The following MACROD2 variants were observed in gnomAD, a reference collection of about 807,000 sequenced individuals.
The protein encoded by MACROD2 is mono-ADP ribosylhydrolase 2.
Under a neutral mutation model 70.4 loss-of-function variants are expected in MACROD2, and 36 were observed. The observed-to-expected ratio is 0.51, with a 90% CI of 0.39 to 0.68. The LOEUF is 0.68. MACROD2 is among the 30% of genes least tolerant of loss of function. The pLI is 0.00. For missense variants in MACROD2, 496 were observed against 538.4 expected, an observed-to-expected ratio of 0.92 and a Z score of 0.78; for synonymous variants, 172 against 178.8, an observed-to-expected ratio of 0.96 and a Z score of 0.30.
chr20:15,214,122 C>A (rs1159259292), intron 5 of MACROD2, among the ~76,000 whole-genome samples: 1 of 152,088 alleles, frequency 6.6e-6, no homozygotes. Flanking sequence ...AGCTCTTTTT[C>A]CTATCTGAAG....
chr20:15,707,088 A>C (rs898111076), intron 8 of MACROD2, among the ~76,000 whole-genome samples: 1 of 152,222 alleles, frequency 6.6e-6, no homozygotes, highest in Non-Finnish European at 1.5e-5. Flanking sequence ...TAAGTTACAC[A>C]GTAACATATT....
chr20:14,170,665 T>C (rs1239462654), intron 3 of MACROD2, among the ~76,000 whole-genome samples: 3 of 152,224 alleles, frequency 2.0e-5, no homozygotes, highest in Non-Finnish European at 2.9e-5. Context: ...TTGCATATGT[T>C]AAACCATCCC....
chr20:14,941,943 C>T (rs564200485), intron 5 of MACROD2, among the ~76,000 whole-genome samples: 127 of 144,418 alleles, frequency 8.8e-4, no homozygotes, highest in African/African-American at 3.3e-3. Context: ...GCCACCATGC[C>T]CGGCTATTTT....
chr20:14,074,155 C>A (rs1206191624), intron 2 of MACROD2, among the ~76,000 whole-genome samples: 2 of 152,152 alleles, frequency 1.3e-5, no homozygotes, highest in Non-Finnish European at 2.9e-5. Context: ...TCCATTGACC[C>A]CATCCTGCCC....
chr20:14,577,907 A>G (rs1386870977), intron 4 of MACROD2, among the ~76,000 whole-genome samples: 1 of 152,124 alleles, frequency 6.6e-6, no homozygotes, highest in Non-Finnish European at 1.5e-5. Context: ...AAAGAAAAGT[A>G]GAAGAAATGG....
chr20:15,584,401 A>G (rs1225200362), intron 8 of MACROD2, among the ~76,000 whole-genome samples: 1 of 151,152 alleles, frequency 6.6e-6, no homozygotes, highest in African/African-American at 2.5e-5. Context: ...AAAATGGAAT[A>G]GCTTTTAGAA....
chr20:14,566,115 G>A (rs952506211), intron 4 of MACROD2, among the ~76,000 whole-genome samples: 1 of 150,224 alleles, frequency 6.7e-6, no homozygotes, highest in Non-Finnish European at 1.5e-5. Context: ...TTTGTAACTC[G>A]TGTGATAAAT....
chr20:14,973,764 T>G (rs941139507), intron 5 of MACROD2, among the ~76,000 whole-genome samples: 2 of 152,168 alleles, frequency 1.3e-5, no homozygotes, highest in East Asian at 3.9e-4. Context: ...AAGATAGGGC[T>G]AGGTACTCTT....
intron 4 of MACROD2, chr20:14,494,187 G>A (rs1430230723): frequency 1.3e-5 from 2 of 151,962 alleles, no homozygotes; most frequent in Non-Finnish European, 2.9e-5. Flanking sequence ...AGAGAAAAAA[G>A]TATACGATTA....
chr20:15,198,013 G>C (rs2145923738), intron 5 of MACROD2, among the ~76,000 whole-genome samples: 1 of 148,620 alleles, frequency 6.7e-6, no homozygotes, highest in Middle Eastern at 3.5e-3. Flanking sequence ...CCAGGCTGGA[G>C]TGCAATGGTT....
intron 15 of MACROD2, among the ~76,000 whole-genome samples, chr20:15,996,487 G>T (rs898095502): frequency 2.0e-5 from 3 of 151,960 alleles, no homozygotes; most frequent in Admixed American, 6.5e-5. Flanking sequence ...GCTTTTCTTT[G>T]TTGAGAGGTT....
chr20:15,910,985 A>G (rs2065228371), intron 10 of MACROD2, among the ~76,000 whole-genome samples: 2 of 152,282 alleles, frequency 1.3e-5, no homozygotes, highest in African/African-American at 4.8e-5. Context: ...CCTCTCTGGG[A>G]CAAAGATGAC....
At chr20:14,588,308 A>C (rs1456448502) in intron 4 of MACROD2, among the ~76,000 whole-genome samples, 2 of 152,222 alleles carry the variant, frequency 1.3e-5, no homozygotes, top group African/African-American at 4.8e-5. Context: ...CAAAAAGTTT[A>C]ACAATTGTGT....
chr20:14,222,571 T>A (rs557099449), intron 3 of MACROD2, among the ~76,000 whole-genome samples: 1 of 152,204 alleles, frequency 6.6e-6, no homozygotes, highest in South Asian at 2.1e-4. Context: ...AAAACCCTGA[T>A]TTCACCACTA....
intron 6 of MACROD2, among the ~76,000 whole-genome samples, chr20:15,248,175 A>G (rs1474747398): frequency 6.6e-6 from 1 of 152,186 alleles, no homozygotes; most frequent in East Asian, 1.9e-4. Context: ...AGGTCAGCGC[A>G]TCTCACACTG....
chr20:14,339,717 G>A (rs773546242), intron 3 of MACROD2, among the ~76,000 whole-genome samples: 3 of 152,094 alleles, frequency 2.0e-5, no homozygotes, highest in Non-Finnish European at 4.4e-5. Flanking sequence ...TTCATCACTT[G>A]ACAAATAAAG....
intron 4 of MACROD2, among the ~76,000 whole-genome samples, chr20:14,502,198 A>G (rs2084921994): frequency 6.6e-6 from 1 of 152,188 alleles, no homozygotes; most frequent in Admixed American, 6.5e-5. Flanking sequence ...TGTTTTTTTA[A>G]CTGTATCTGA....
At chr20:15,691,720 G>T (rs879652415) in intron 8 of MACROD2, among the ~76,000 whole-genome samples, 4 of 152,186 alleles carry the variant, frequency 2.6e-5, no homozygotes, top group Non-Finnish European at 4.4e-5. Flanking sequence ...CATGGATGTT[G>T]CCCAGTACTT....
At chr20:15,332,390 G>T (rs1420902444) in intron 6 of MACROD2, among the ~76,000 whole-genome samples, 1 of 151,490 alleles carries the variant, frequency 6.6e-6, no homozygotes, top group Non-Finnish European at 1.5e-5. Context: ...CTAAAAATTA[G>T]GCGCAAGTAA....
Sources: gnomAD v4.1 joint callset for allele counts (sites outside exome capture counted in the v4.1 genomes callset) on GRCh38, gnomAD v4.1.1 for gene constraint, MANE v1.5 for transcripts, NCBI Gene and HGNC (gene_info 2026-07-23, HGNC 2026-07-21) for gene names.